AOAH: variants seen among roughly 807,000 people sequenced by gnomAD.
AOAH encodes acyloxyacyl hydrolase (neutrophil).
In AOAH, 64 loss-of-function variants were observed where a neutral mutation model predicts 92.2. The observed-to-expected ratio is 0.69, with a 90% CI of 0.57 to 0.86. The LOEUF (loss-of-function observed/expected upper bound fraction) is 0.86. Ranked by LOEUF, AOAH falls within the 40% of genes least tolerant of loss-of-function variation. The pLI is 0.00. For missense variants in AOAH, 656 were observed against 694.6 expected (o/e 0.94, Z 0.62); for synonymous variants, 263 against 254.5 (o/e 1.03, Z -0.32).
At chr7:36,613,457 C>T (rs1279108392) in intron 11 of AOAH, among the ~76,000 whole-genome samples, 2 of 152,330 alleles carry the variant, frequency 1.3e-5, no homozygotes, top group East Asian at 3.9e-4. Flanking sequence ...GACGGATTTC[C>T]CCAACTCAAG....
chr7:36,679,076 G>C (rs1796479982), intron 2 of AOAH, among the ~76,000 whole-genome samples: 1 of 152,054 alleles, frequency 6.6e-6, no homozygotes, highest in South Asian at 2.1e-4. Context: ...GTTAAAATAA[G>C]ACCAATTAAG....
intron 12 of AOAH, among the ~76,000 whole-genome samples, chr7:36,583,272 T>G (rs1253797039): frequency 6.6e-6 from 1 of 152,180 alleles, no homozygotes; most frequent in African/African-American, 2.4e-5. Flanking sequence ...TAGGATAAAC[T>G]TGGGTAACTT....
intron 2 of AOAH, among the ~76,000 whole-genome samples, chr7:36,681,926 T>G (rs549744158): frequency 6.6e-6 from 1 of 152,312 alleles, no homozygotes; most frequent in African/African-American, 2.4e-5. Context: ...AATAAACCAC[T>G]TCGCAACTGC....
rs766556440 is a variant in AOAH, at chr7:36,618,339, C to T, written c.709G>A (p.Asp237Asn). The change falls in exon 10 of 21, where the codon GAT becomes AAT. Residue 237 changes from aspartate to asparagine, a missense_variant. Transcript: ENST00000617537. ...DSNCNGIWGV[D>N]PKDGVPYEKK... is the part of the protein sequence containing the mutation. ...TCATATGGAACTCCATCTTTTGGAT[C>T]GACACCCTTTAAAAAAGAAACGATG... is the stretch of plus-strand genomic sequence containing the variant. The T allele has an allele frequency of 2.6e-5, 42 of 1,613,792 alleles. No individual in the cohort carries two copies. Among genetic ancestry groups the T allele is most frequent in the East Asian group, 4.5e-5 (2 of 44,876 alleles).
chr7:36,702,070 T>C (rs944827370), intron 1 of AOAH, among the ~76,000 whole-genome samples: 8 of 152,186 alleles, frequency 5.3e-5, no homozygotes, highest in Non-Finnish European at 8.8e-5. Context: ...ATCCTCACCT[T>C]GTATTTGGGC....
chr7:36,683,520 G>A (rs1441057763), intron 2 of AOAH, among the ~76,000 whole-genome samples: 1 of 152,162 alleles, frequency 6.6e-6, no homozygotes, highest in Admixed American at 6.5e-5. Context: ...CTGCTCATAA[G>A]AATTAGAAAA....
chr7:36,589,906 C>T (rs1789625065), intron 12 of AOAH, among the ~76,000 whole-genome samples: 1 of 152,180 alleles, frequency 6.6e-6, no homozygotes, highest in Non-Finnish European at 1.5e-5. Flanking sequence ...GTGATCTGAA[C>T]ATGAAGTACA....
At chr7:36,562,030 G>A (rs186251608) in intron 13 of AOAH, among the ~76,000 whole-genome samples, 10 of 152,232 alleles carry the variant, frequency 6.6e-5, no homozygotes, top group Admixed American at 5.2e-4. Flanking sequence ...TTTATAGTAG[G>A]TGTCCATACT....
At chr7:36,681,661 C>T (rs957592566) in intron 2 of AOAH, among the ~76,000 whole-genome samples, 1 of 152,086 alleles carries the variant, frequency 6.6e-6, no homozygotes, top group African/African-American at 2.4e-5. Context: ...AAAAATTAGC[C>T]AGGCATCCTG....
chr7:36,548,797 C>T, intron 14 of AOAH, 111 bp from the exon 15 acceptor site: 1 of 814,040 alleles, frequency 1.2e-6, no homozygotes, highest in African/African-American at 1.9e-5. Flanking sequence ...ACCCTCTTGG[C>T]AACTTTTTGC....
intron 4 of AOAH, among the ~76,000 whole-genome samples, chr7:36,642,435 A>AT (rs1033587603): frequency 2.6e-5 from 4 of 152,094 alleles, no homozygotes; most frequent in Non-Finnish European, 4.4e-5. Context: ...CATAGAACAG[A>AT]TTTTCTCTCA....
At chr7:36,685,096 C>T (rs953174793) in intron 2 of AOAH, among the ~76,000 whole-genome samples, 1 of 151,824 alleles carries the variant, frequency 6.6e-6, no homozygotes, top group East Asian at 1.9e-4. Flanking sequence ...TGCCAATTTT[C>T]AGGAAATACA....
At chr7:36,611,155 G>A (rs1791426003) in intron 11 of AOAH, among the ~76,000 whole-genome samples, 1 of 152,152 alleles carries the variant, frequency 6.6e-6, no homozygotes, top group Admixed American at 6.5e-5. Context: ...GAGTGGCTGG[G>A]CCAATTTTTA....
chr7:36,583,390 A>G (rs1275867170), intron 12 of AOAH, among the ~76,000 whole-genome samples: 1 of 152,210 alleles, frequency 6.6e-6, no homozygotes, highest in Non-Finnish European at 1.5e-5. Context: ...TCAGGCCAGC[A>G]TAGGGCCAGG....
chr7:36,596,364 T>C (rs1003403728), intron 11 of AOAH, among the ~76,000 whole-genome samples: 1 of 152,198 alleles, frequency 6.6e-6, no homozygotes. Flanking sequence ...TATTTCTTAA[T>C]TGTGGACTGT....
At chr7:36,705,423 CA>C (rs1798336276) in intron 1 of AOAH, among the ~76,000 whole-genome samples, 1 of 152,106 alleles carries the variant, frequency 6.6e-6, no homozygotes, top group Non-Finnish European at 1.5e-5. Context: ...ATACAACTTA[CA>C]AGGGATGTGA....
At chr7:36,721,637 G>A (rs187462106) in intron 1 of AOAH, among the ~76,000 whole-genome samples, 6 of 152,290 alleles carry the variant, frequency 3.9e-5, no homozygotes, top group Admixed American at 3.3e-4. Context: ...GGAGTTGCTG[G>A]GAAAATGGAT....
At chr7:36,524,287 C>T (rs60670301) in intron 19 of AOAH, among the ~76,000 whole-genome samples, 3,480 of 151,962 alleles carry the variant, frequency 0.023, 146 homozygotes, top group African/African-American at 0.081. Context: ...AACCCTAATC[C>T]GCAGTATGAT....
At chr7:36,590,669 C>G (rs557767967) in intron 12 of AOAH, among the ~76,000 whole-genome samples, 17 of 152,308 alleles carry the variant, frequency 1.1e-4, no homozygotes, top group Non-Finnish European at 2.4e-4. Flanking sequence ...GAAGGCTGAT[C>G]ATGATGGTAG....
Sources: gnomAD v4.1 joint callset for allele counts (sites outside exome capture counted in the v4.1 genomes callset) on GRCh38, gnomAD v4.1.1 for gene constraint, MANE v1.5 for transcripts, NCBI Gene and HGNC (gene_info 2026-07-23, HGNC 2026-07-21) for gene names.